CNGB3: variants seen among roughly 807,000 people sequenced by gnomAD.
The protein encoded by CNGB3 is cyclic nucleotide-gated channel beta-3.
A neutral mutation model predicts 92.8 loss-of-function variants in CNGB3; 86 were observed. That is an observed-to-expected ratio of 0.93 (90% CI 0.78 to 1.11). The LOEUF (loss-of-function observed/expected upper bound fraction) is 1.11. Among genes scored for constraint, CNGB3 ranks in the 50% least tolerant of loss-of-function variants. The pLI is 0.00. For synonymous variants in CNGB3, 333 were observed against 332.7 expected, an observed-to-expected ratio of 1.00 and a Z score of -0.01; for missense variants, 1,026 against 956.8, an observed-to-expected ratio of 1.07 and a Z score of -0.95.
intron 10 of CNGB3, among the ~76,000 whole-genome samples, chr8:86,642,499 C>T (rs963564745): frequency 1.3e-5 from 2 of 151,528 alleles, no homozygotes; most frequent in African/African-American, 2.4e-5. Flanking sequence ...TATACATATC[C>T]AACTCACTCT....
intron 3 of CNGB3, among the ~76,000 whole-genome samples, chr8:86,718,975 T>A (rs2131665392): frequency 6.6e-6 from 1 of 152,084 alleles, no homozygotes; most frequent in Middle Eastern, 3.4e-3. Flanking sequence ...CACAATTGCT[T>A]TATGATTAAA....
intron 3 of CNGB3, 36 bp from the exon 4 acceptor site, chr8:86,671,134 C>A (rs746061715): frequency 1.2e-6 from 2 of 1,608,300 alleles, no homozygotes; most frequent in African/African-American, 2.7e-5. Context: ...GAGATGGGCC[C>A]ATGAAGAAAT....
chr8:86,628,940 A>G lies in CNGB3; in HGVS notation c.1459T>C (p.Trp487Arg). Reference sequence around the variant, plus strand: ...TTACCTAGCATTCTTTGAGAGTCCCATGTATATTCATACCAAGTCCGAACT... The same window carrying G: ...TTACCTAGCATTCTTTGAGAGTCCCGTGTATATTCATACCAAGTCCGAACT... ...KRVRTWYEYT[W>R]DSQRMLDESD... is the part of the protein sequence containing the mutation. Residue 487 changes from tryptophan to arginine, a missense_variant, in exon 12 of 18, where the codon TGG (tryptophan) becomes CGG (arginine). Coordinates refer to ENST00000320005, the MANE Select transcript of CNGB3 (RefSeq NM_019098.5). The G allele has an allele frequency of 1.9e-6, 3 of 1,613,916 alleles. No homozygotes were observed. Among genetic ancestry groups the G allele is most frequent in the East Asian group, 2.2e-5 (1 of 44,878 alleles).
chr8:86,653,401 A>T (rs190000689), intron 7 of CNGB3, among the ~76,000 whole-genome samples: 145 of 152,220 alleles, frequency 9.5e-4, no homozygotes, highest in East Asian at 4.4e-3. Flanking sequence ...ACCTAAACCC[A>T]GATTTGTATT....
chr8:86,629,489 G>T (rs141905687), intron 11 of CNGB3, among the ~76,000 whole-genome samples: 7 of 152,300 alleles, frequency 4.6e-5, no homozygotes, highest in Admixed American at 2.0e-4. Context: ...TATGCAAGGA[G>T]TGTGCAATAA....
chr8:86,586,665 T>G (rs891132636), intron 15 of CNGB3, among the ~76,000 whole-genome samples: 1 of 151,398 alleles, frequency 6.6e-6, no homozygotes, highest in Non-Finnish European at 1.5e-5. Flanking sequence ...AGGACATGAA[T>G]TCATCATTTT....
At chr8:86,714,592 A>C (rs898750282) in intron 3 of CNGB3, among the ~76,000 whole-genome samples, 1 of 152,146 alleles carries the variant, frequency 6.6e-6, no homozygotes, top group African/African-American at 2.4e-5. Context: ...TCACATAATG[A>C]ACTTTTGCTC....
intron 7 of CNGB3, among the ~76,000 whole-genome samples, chr8:86,652,311 G>T (rs974484821): frequency 1.3e-5 from 2 of 151,996 alleles, no homozygotes; most frequent in Non-Finnish European, 2.9e-5. Flanking sequence ...CGAGTAGTGA[G>T]TGACTGAAGG....
chr8:86,601,287 T>C (rs753939764), intron 15 of CNGB3, among the ~76,000 whole-genome samples: 4 of 152,120 alleles, frequency 2.6e-5, no homozygotes, highest in Non-Finnish European at 5.9e-5. Flanking sequence ...TGAATAAGAC[T>C]TGGGACTAAA....
chr8:86,721,229 G>A (rs559021663), intron 3 of CNGB3, among the ~76,000 whole-genome samples: 1 of 152,088 alleles, frequency 6.6e-6, no homozygotes, highest in Non-Finnish European at 1.5e-5. Context: ...GCCTCCCAAA[G>A]GTCAGTCTCC....
chr8:86,643,269 G>A (rs1360081279), intron 10 of CNGB3, among the ~76,000 whole-genome samples: 1 of 151,436 alleles, frequency 6.6e-6, no homozygotes, highest in Admixed American at 6.6e-5. Flanking sequence ...TTTGTTACAT[G>A]TATACAATGC....
intron 3 of CNGB3, among the ~76,000 whole-genome samples, chr8:86,692,165 A>G (rs1255101276): frequency 6.6e-6 from 1 of 152,170 alleles, no homozygotes; most frequent in African/African-American, 2.4e-5. Flanking sequence ...ATCTTGGGGA[A>G]TGGTCCACGT....
In CNGB3 at chr8:86,693,413, A is replaced by ATTT. The variant is rs71503463; in HGVS notation, c.339-22318_339-22316dup. Among the ~76,000 whole-genome samples the ATTT allele has an allele frequency of 4.8e-4, 58 of 121,964 alleles. 1 individual carries two copies. The highest frequency in any genetic ancestry group is 2.4e-3 in the East Asian group (10 of 4,108). The allele number at this position is 121,964 out of a possible 152,430, so 80.0% of individuals were successfully genotyped here. ...CTCAAATTTATTGGAAACTTTGTTC[A>ATTT]TTTTTTTTTATTATTATTATTATTT... On this transcript the variant is annotated intron_variant, in intron 3 of 17. Transcript: ENST00000320005.
intron 3 of CNGB3, among the ~76,000 whole-genome samples, chr8:86,673,792 A>AC (rs1554614645): frequency 5.9e-5 from 9 of 152,024 alleles, no homozygotes; most frequent in African/African-American, 2.2e-4. Flanking sequence ...GCATGAAAAA[A>AC]TTTTTTGTGT....
intron 3 of CNGB3, among the ~76,000 whole-genome samples, chr8:86,695,014 A>G (rs1440975395): frequency 1.3e-5 from 2 of 152,322 alleles, no homozygotes; most frequent in Non-Finnish European, 2.9e-5. Flanking sequence ...ATCATTGAGC[A>G]CTGAGTGAAC....
intron 13 of CNGB3, 42 bp downstream of exon 13, chr8:86,625,941 A>G (rs1822837182): frequency 1.4e-6 from 2 of 1,471,704 alleles, no homozygotes; most frequent in South Asian, 2.3e-5. Context: ...TAGATTCCAT[A>G]GAGAAATAGA....
At chr8:86,577,922 T>G (rs1334249621) in intron 17 of CNGB3, among the ~76,000 whole-genome samples, 1 of 152,186 alleles carries the variant, frequency 6.6e-6, no homozygotes, top group African/African-American at 2.4e-5. Context: ...TGTTTGTTTG[T>G]TTTTTGAGAC....
At chr8:86,739,620 G>GTTTTTTTTT in intron 2 of CNGB3, 35 bp downstream of exon 2, 14 of 1,488,484 alleles carry the variant, frequency 9.4e-6, no homozygotes, top group East Asian at 7.2e-5. Flanking sequence ...TCACTTTTTA[G>GTTTTTTTTT]TTTTTTTTTT....
chr8:86,724,961 G>A (rs1454744673), intron 3 of CNGB3, among the ~76,000 whole-genome samples: 1 of 152,088 alleles, frequency 6.6e-6, no homozygotes, highest in African/African-American at 2.4e-5. Flanking sequence ...GGCCTGAGAG[G>A]TCATGTCAAG....
Sources: allele counts gnomAD v4.1 joint callset (sites outside exome capture counted in the v4.1 genomes callset), GRCh38; gene constraint gnomAD v4.1.1; transcripts MANE v1.5; gene names NCBI Gene and HGNC (gene_info 2026-07-23, HGNC 2026-07-21).